Variants in AFF2 observed in about 807,000 individuals in gnomAD.
The protein encoded by AFF2 is AF4/FMR2 family member 2.
A neutral mutation model predicts 76.9 loss-of-function variants in AFF2; 14 were observed. That is an observed-to-expected ratio of 0.18 (90% CI 0.12 to 0.28). AFF2 has a LOEUF of 0.28. Among genes scored for constraint, AFF2 ranks in the 10% least tolerant of loss-of-function variants. The probability of loss-of-function intolerance (pLI) is 1.00; values close to 1 mark genes in which losing one functional copy is unlikely to be tolerated. For missense variants in AFF2, 868 were observed against 1,001.1 expected (o/e 0.87, Z 1.79); for synonymous variants, 398 against 366.7 (o/e 1.09, Z -0.98).
At chrX:148,904,116 C>T in intron 8 of AFF2, 105 bp from the exon 9 acceptor site, 2 of 567,279 alleles carry the variant, frequency 3.5e-6, no homozygotes, top group East Asian at 3.5e-5. Flanking sequence ...CGGTTAGCTC[C>T]TTATGTTTCT....
At chrX:148,638,792 G>A (rs1200722298) in intron 1 of AFF2, among the ~76,000 whole-genome samples, 1 of 111,317 alleles carries the variant, frequency 9.0e-6, no homozygotes, top group African/African-American at 3.3e-5. Flanking sequence ...CAAGCCATGA[G>A]GGATCTGCCC....
At chrX:148,681,559 T>TCA (rs1327483419) in intron 3 of AFF2, among the ~76,000 whole-genome samples, 22 of 73,999 alleles carry the variant, frequency 3.0e-4, no homozygotes, top group African/African-American at 1.2e-3. Context: ...TGTGTGTGTG[T>TCA]GTGTCAGTGT....
At chrX:148,701,003 A>AAT (rs1557261792) in intron 3 of AFF2, among the ~76,000 whole-genome samples, 3 of 90,067 alleles carry the variant, frequency 3.3e-5, no homozygotes, top group South Asian at 6.0e-4. Context: ...AGAGAGAGAG[A>AAT]GAGAGAGAAT....
intron 3 of AFF2, among the ~76,000 whole-genome samples, chrX:148,773,023 C>T (rs1023875550): frequency 9.2e-6 from 1 of 109,200 alleles, no homozygotes; most frequent in African/African-American, 3.3e-5. Flanking sequence ...TCTGCACGTG[C>T]TGCATATGTA....
intron 1 of AFF2, among the ~76,000 whole-genome samples, chrX:148,566,566 A>G (rs1241311731): frequency 2.7e-5 from 3 of 110,964 alleles, no homozygotes; most frequent in African/African-American, 9.9e-5. Flanking sequence ...CCAACTGAAG[A>G]CCACCTTCTG....
intron 3 of AFF2, among the ~76,000 whole-genome samples, chrX:148,681,640 GA>G (rs2124490505): frequency 1.2e-5 from 1 of 86,088 alleles, no homozygotes; most frequent in East Asian, 3.4e-4. Context: ...AAAGAGAAGA[GA>G]AAAAGAAAGA....
intron 1 of AFF2, among the ~76,000 whole-genome samples, chrX:148,508,368 T>C (rs1183331505): frequency 8.9e-6 from 1 of 112,148 alleles, no homozygotes; most frequent in Non-Finnish European, 1.9e-5. Flanking sequence ...AAATGGTTTC[T>C]TTTTTGTATA....
At chrX:148,689,637 A>G (rs1166160192) in intron 3 of AFF2, among the ~76,000 whole-genome samples, 1 of 111,877 alleles carries the variant, frequency 8.9e-6, no homozygotes, top group Non-Finnish European at 1.9e-5. Context: ...TCAGAGTTGA[A>G]CAGATGTCTT....
rs782493140 is a variant in AFF2 at position 148,661,946 on chromosome X, C to T, written c.219C>T (p.Asn73=). The part of the protein sequence containing the change: ...KGDALANRVQ[N]TLGNYDEMKN... ...ATGCACTTGCCAACCGAGTCCAGAA[C>T]ACGCTTGGAAACTATGATGAAATGA... Residue 73 remains asparagine, a synonymous_variant, in exon 3 of 21, where the codon AAC becomes AAT. Transcript: ENST00000370460. 4 of 1,205,074 alleles carry T rather than the reference C, an allele frequency of 3.3e-6. No individual in the cohort carries two copies. Among genetic ancestry groups the T allele is most frequent in the East Asian group, 3.0e-5 (1 of 33,722 alleles).
chrX:148,562,274 G>A (rs2053122074), intron 1 of AFF2, among the ~76,000 whole-genome samples: 1 of 112,069 alleles, frequency 8.9e-6, no homozygotes, highest in African/African-American at 3.2e-5. Context: ...TGGGAGCTGT[G>A]TATTGATTTA....
intron 8 of AFF2, 142 bp from the exon 9 acceptor site, chrX:148,904,079 A>C: frequency 2.1e-6 from 1 of 469,256 alleles, no homozygotes; most frequent in Non-Finnish European, 3.7e-6. Context: ...CTGAGTCTCC[A>C]GTCTGCTTAT....
chrX:148,948,443 G>A (rs781991504), intron 9 of AFF2, among the ~76,000 whole-genome samples: 1 of 112,091 alleles, frequency 8.9e-6, no homozygotes, highest in Admixed American at 9.4e-5. Flanking sequence ...TGAATTGGAA[G>A]ACACCTTAAA....
chrX:148,654,713 T>C (rs1283252908), intron 2 of AFF2, among the ~76,000 whole-genome samples: 1 of 108,514 alleles, frequency 9.2e-6, no homozygotes, highest in Non-Finnish European at 1.9e-5. Flanking sequence ...AACAGAACAT[T>C]AGAATGAGAA....
chrX:148,932,003 A>G (rs1019574844), intron 9 of AFF2, among the ~76,000 whole-genome samples: 1 of 112,072 alleles, frequency 8.9e-6, no homozygotes, highest in African/African-American at 3.2e-5. Context: ...CTGGGAGCCA[A>G]AAGACTAGCA....
chrX:148,591,063 G>A (rs914215622), intron 1 of AFF2, among the ~76,000 whole-genome samples: 4 of 112,080 alleles, frequency 3.6e-5, no homozygotes, highest in Non-Finnish European at 7.5e-5. Flanking sequence ...GAACTTGTAT[G>A]TTCATTGAAA....
intron 3 of AFF2, among the ~76,000 whole-genome samples, chrX:148,772,538 CTT>C (rs1263905164): frequency 1.8e-5 from 1 of 54,174 alleles, no homozygotes; most frequent in Non-Finnish European, 3.1e-5. Flanking sequence ...TTCTTTCTTT[CTT>C]TCTTTTTTTT....
At chrX:148,875,784 AT>A (rs1458288025) in intron 7 of AFF2, among the ~76,000 whole-genome samples, 1 of 111,188 alleles carries the variant, frequency 9.0e-6, no homozygotes, top group Non-Finnish European at 1.9e-5. Context: ...TGAGGTGATC[AT>A]CTGGTTTTCA....
intron 1 of AFF2, among the ~76,000 whole-genome samples, chrX:148,617,135 T>C (rs2053816998): frequency 8.9e-6 from 1 of 111,795 alleles, no homozygotes; most frequent in African/African-American, 3.2e-5. Flanking sequence ...TCTAGATCCT[T>C]GAGGAATCGC....
At chrX:148,806,062 C>T (rs1159086695) in intron 3 of AFF2, among the ~76,000 whole-genome samples, 1 of 112,548 alleles carries the variant, frequency 8.9e-6, no homozygotes, top group Non-Finnish European at 1.9e-5. Flanking sequence ...GAAGGTGCCT[C>T]GGGAATTAAG....
Sources: gnomAD v4.1 joint callset for allele counts (sites outside exome capture counted in the v4.1 genomes callset) on GRCh38, gnomAD v4.1.1 for gene constraint, MANE v1.5 for transcripts, NCBI Gene and HGNC (gene_info 2026-07-23, HGNC 2026-07-21) for gene names.